Variants in HPCAL1 observed in about 807,000 individuals in gnomAD.
HPCAL1 encodes the protein hippocalcin-like protein 1.
A neutral mutation model predicts 17.1 loss-of-function variants in HPCAL1; 8 were observed. The observed-to-expected ratio is 0.47, with a 90% CI of 0.27 to 0.84. HPCAL1 has a LOEUF of 0.84. Among genes scored for constraint, HPCAL1 ranks in the 40% least tolerant of loss-of-function variants. The pLI, the probability that HPCAL1 is intolerant of heterozygous loss-of-function variation, is 0.13. For synonymous variants in HPCAL1, 112 were observed against 111.4 expected, an observed-to-expected ratio of 1.01 and a Z score of -0.03; for missense variants, 165 against 271.1, an observed-to-expected ratio of 0.61 and a Z score of 2.75.
Position 10,363,507 on chromosome 2 carries a change from C to T in HPCAL1, c.-110-33328C>T, listed in dbSNP as rs1313901731. Among the ~76,000 whole-genome samples the T allele has an allele frequency of 6.6e-6, 1 of 152,178 alleles. No homozygotes were observed. The highest frequency in any genetic ancestry group is 1.9e-4 in the East Asian group (1 of 5,206). ...CCTCTTACATAGTCCTGCCTATACC[C>T]TCTACACGTGGCGTTTCAGGTCTGG... On this transcript the variant is annotated intron_variant, in intron 1 of 4. Coordinates refer to ENST00000307845, the MANE Select transcript of HPCAL1 (RefSeq NM_002149.4). The surrounding 1 kb of genome is among the most constrained non-coding windows in gnomAD (Gnocchi z 4.7).
rs896629829 is a variant in HPCAL1 at position 10,399,562 on chromosome 2, C to T, written c.-25+2642C>T. Among the ~76,000 whole-genome samples the T allele has an allele frequency of 5.6e-4, 22 of 39,126 alleles. 1 individual carries two copies. The East Asian group carries it at 0.016, about 29-fold the overall frequency. 25.7% of individuals were successfully genotyped at this position (39,126 alleles called of 152,430 possible). ...GCCACCATCACCGCCACCACTACCG[C>T]CACCGCCACCACCACCGCCACCGCC... is the stretch of plus-strand genomic sequence containing the variant. On this transcript the variant is annotated intron_variant, in intron 2 of 4. Coordinates refer to ENST00000307845, the MANE Select transcript of HPCAL1 (RefSeq NM_002149.4).
chr2:10,405,281 A>T (rs1274064865), intron 2 of HPCAL1, among the ~76,000 whole-genome samples: 1 of 152,164 alleles, frequency 6.6e-6, no homozygotes, highest in African/African-American at 2.4e-5. Flanking sequence ...CAGGCCCCTG[A>T]AGCTGGCATT....
At chr2:10,321,716 G>A (rs912561239) in intron 1 of HPCAL1, among the ~76,000 whole-genome samples, 3 of 152,182 alleles carry the variant, frequency 2.0e-5, no homozygotes, top group African/African-American at 7.2e-5. Flanking sequence ...AGGAAATCAT[G>A]CAATATGAGG....
chr2:10,402,167 T>C (rs1669656786), intron 2 of HPCAL1, among the ~76,000 whole-genome samples: 1 of 152,196 alleles, frequency 6.6e-6, no homozygotes, highest in Non-Finnish European at 1.5e-5. Flanking sequence ...CCCAAAGTGC[T>C]GGGATTGCAG....
At position 10,378,480 on chromosome 2, in the gene HPCAL1, G is replaced by A. The variant is rs112494229; in HGVS notation, c.-110-18355G>A. 8.8e-3 allele frequency among the ~76,000 whole-genome samples: 1,342 copies of A among 152,226 alleles called. 9 individuals carry two copies. Among genetic ancestry groups the A allele is most frequent in the Middle Eastern group, 0.034 (10 of 294 alleles). ...GCGGGAGGTCTAGATCAGGGCGTCCGCATTGTCAGGTTCTGGGGAGGGCTC... is the reference window on the plus strand; with the variant it reads ...GCGGGAGGTCTAGATCAGGGCGTCCACATTGTCAGGTTCTGGGGAGGGCTC... On this transcript the variant is annotated intron_variant, in intron 1 of 4. Transcript: ENST00000307845.
chr2:10,404,856 C>T (rs1669875553), intron 2 of HPCAL1, among the ~76,000 whole-genome samples: 1 of 152,190 alleles, frequency 6.6e-6, no homozygotes, highest in Non-Finnish European at 1.5e-5. Flanking sequence ...TTTAATGCCG[C>T]TGCTTGGGTG....
chr2:10,321,170 C>T (rs183596366), intron 1 of HPCAL1, among the ~76,000 whole-genome samples: 2 of 152,204 alleles, frequency 1.3e-5, no homozygotes, highest in East Asian at 1.9e-4. Flanking sequence ...GGAGCAGGCA[C>T]GTCACATGGA....
intron 1 of HPCAL1, among the ~76,000 whole-genome samples, chr2:10,396,181 C>T (rs1572805419): frequency 6.6e-6 from 1 of 152,348 alleles, no homozygotes; most frequent in African/African-American, 2.4e-5. Flanking sequence ...GGCTGAATGT[C>T]AGGTGATGCG....
intron 1 of HPCAL1, among the ~76,000 whole-genome samples, chr2:10,352,576 A>G (rs1011179970): frequency 6.6e-6 from 1 of 152,196 alleles, no homozygotes; most frequent in Non-Finnish European, 1.5e-5. Context: ...ATCCAGGCCT[A>G]TCTCTTCCTC....
chr2:10,346,913 G>A (rs1341533221), intron 1 of HPCAL1, among the ~76,000 whole-genome samples: 3 of 142,034 alleles, frequency 2.1e-5, no homozygotes, highest in Non-Finnish European at 4.5e-5. Context: ...CCTGGAGGAT[G>A]TTAGATTTTA....
intron 3 of HPCAL1, among the ~76,000 whole-genome samples, chr2:10,420,442 C>T (rs1364937899): frequency 3.3e-5 from 5 of 151,978 alleles, no homozygotes; most frequent in Admixed American, 1.3e-4. Flanking sequence ...GCGATCTGCC[C>T]GCCTCAGCCT....
In HPCAL1 at chr2:10,401,095, T is replaced by C. The variant is rs1042633525; in HGVS notation, c.-25+4175T>C. 3.9e-5 allele frequency among the ~76,000 whole-genome samples: 6 copies of C among 152,274 alleles called. No homozygotes were observed. The East Asian group carries it at 7.7e-4, about 20-fold the overall frequency. Reference sequence around the variant, plus strand: ...CCACACAGGCAGCCACAGCCGAGGCTGCACAAGGACACTCCCCTGACCTTG... The same window carrying C: ...CCACACAGGCAGCCACAGCCGAGGCCGCACAAGGACACTCCCCTGACCTTG... On this transcript the variant is annotated intron_variant, in intron 2 of 4. Transcript: ENST00000307845.
intron 1 of HPCAL1, among the ~76,000 whole-genome samples, chr2:10,360,348 C>T (rs531699736): frequency 4.2e-4 from 64 of 152,218 alleles, no homozygotes; most frequent in African/African-American, 1.4e-3. Flanking sequence ...AGCTCAAATA[C>T]GGAAGATGGA....
chr2:10,317,137 A>G (rs1663365116), intron 1 of HPCAL1, among the ~76,000 whole-genome samples: 1 of 152,148 alleles, frequency 6.6e-6, no homozygotes, highest in African/African-American at 2.4e-5. Context: ...AGCTCACTTT[A>G]TGTGATATTT....
intron 1 of HPCAL1, among the ~76,000 whole-genome samples, chr2:10,308,429 C>G (rs1163174219): frequency 6.6e-6 from 1 of 152,198 alleles, no homozygotes; most frequent in Non-Finnish European, 1.5e-5. Context: ...CTGTCCCCGT[C>G]CTCAAGCCGC....
intron 1 of HPCAL1, among the ~76,000 whole-genome samples, chr2:10,374,048 G>C (rs534736398): frequency 1.9e-4 from 29 of 152,256 alleles, no homozygotes; most frequent in African/African-American, 7.0e-4. Context: ...CCTGGAGCTC[G>C]GGTGGCCTGG....
rs1429742090 is a variant in HPCAL1 at position 10,342,944 on chromosome 2, GC to G, written c.-111+39768del. On this transcript the variant is annotated intron_variant, in intron 1 of 4. Coordinates refer to ENST00000307845, the MANE Select transcript of HPCAL1 (RefSeq NM_002149.4). The surrounding 1 kb of genome is among the most constrained non-coding windows in gnomAD (Gnocchi z 4.1). Reference sequence around the variant, plus strand: ...ACAGGATGTTGCTCCCTGGGGCCTGGCTTTGGAGATGGCCAGTGCTGGTTTG... The same window carrying G: ...ACAGGATGTTGCTCCCTGGGGCCTGGTTTGGAGATGGCCAGTGCTGGTTTG... Among the ~76,000 whole-genome samples, 11 of 152,304 alleles carry G rather than the reference GC, an allele frequency of 7.2e-5. No individual in the cohort carries two copies. Among genetic ancestry groups the G allele is most frequent in the Non-Finnish European group, 1.2e-4 (8 of 68,024 alleles).
rs1426929834 is a variant in HPCAL1 at position 10,331,319 on chromosome 2, T to C, written c.-111+28142T>C. Among the ~76,000 whole-genome samples, 4 of 151,998 alleles carry C rather than the reference T, an allele frequency of 2.6e-5. No individual in the cohort carries two copies. Among genetic ancestry groups the C allele is most frequent in the African/African-American group, 7.3e-5 (3 of 41,376 alleles). On this transcript the variant is annotated intron_variant, in intron 1 of 4. Transcript: ENST00000307845. This position sits in a 1 kb window ranked among gnomAD's most constrained non-coding sequence, Gnocchi z 5.0. ...CGCCCTTCCTGTCACCCGAGCGCCC[T>C]CTCCTTCCTCACCTCGCCACCTACG... is the stretch of plus-strand genomic sequence containing the variant.
chr2:10,371,347 C>T (rs1218830209), intron 1 of HPCAL1, among the ~76,000 whole-genome samples: 3 of 151,228 alleles, frequency 2.0e-5, no homozygotes, highest in Non-Finnish European at 4.4e-5. Context: ...TCTTCTGGCT[C>T]TCCTCCAAGA....
Sources: gnomAD v4.1 joint callset for allele counts (sites outside exome capture counted in the v4.1 genomes callset) on GRCh38, gnomAD v4.1.1 for gene constraint, Gnocchi (gnomAD v3.1) non-coding constraint, MANE v1.5 for transcripts, NCBI Gene and HGNC (gene_info 2026-07-23, HGNC 2026-07-21) for gene names.